The following FHIT variants were observed in gnomAD, a reference collection of about 807,000 sequenced individuals.
FHIT encodes fragile histidine triad diadenosine triphosphatase.
A neutral mutation model predicts 17.9 loss-of-function variants in FHIT; 19 were observed. The observed-to-expected ratio is 1.06, with a 90% confidence interval of 0.74 to 1.56. The LOEUF (loss-of-function observed/expected upper bound fraction) is 1.56. Among genes scored for constraint, FHIT ranks in the 40% most tolerant of loss-of-function variants. The probability of loss-of-function intolerance (pLI) is 0.00; values close to 1 mark genes in which losing one functional copy is unlikely to be tolerated. For synonymous variants in FHIT, 81 were observed against 69.7 expected (o/e 1.16, Z -0.81); for missense variants, 248 against 189.2 (o/e 1.31, Z -1.82).
chr3:59,825,520 A>G (rs1487132762), intron 8 of FHIT, among the ~76,000 whole-genome samples: 2 of 152,240 alleles, frequency 1.3e-5, no homozygotes, highest in Non-Finnish European at 2.9e-5. Flanking sequence ...AGCTGAGAAC[A>G]TTAGCCACAT....
intron 5 of FHIT, among the ~76,000 whole-genome samples, chr3:60,257,589 G>A (rs1467227882): frequency 6.6e-6 from 1 of 152,118 alleles, no homozygotes; most frequent in Admixed American, 6.6e-5. Flanking sequence ...CATGGCATAG[G>A]GATTAACATT....
intron 5 of FHIT, among the ~76,000 whole-genome samples, chr3:60,079,470 T>C (rs1703180668): frequency 6.6e-6 from 1 of 152,004 alleles, no homozygotes; most frequent in Non-Finnish European, 1.5e-5. Flanking sequence ...AGTTTTTCCT[T>C]AAGCAGCCTC....
chr3:60,009,184 T>C (rs113599353), intron 7 of FHIT, among the ~76,000 whole-genome samples: 7 of 116,844 alleles, frequency 6.0e-5, no homozygotes, highest in African/African-American at 2.3e-4. Context: ...TGTGTGTGTG[T>C]GTGTGTGTGT....
intron 7 of FHIT, among the ~76,000 whole-genome samples, chr3:59,932,669 C>CT (rs3836263): frequency 0.033 from 4,936 of 151,402 alleles, 111 homozygotes; most frequent in East Asian, 0.087. Context: ...GAACTCCTCC[C>CT]TTTTTTTTTA....
intron 1 of FHIT, among the ~76,000 whole-genome samples, chr3:61,246,813 TTA>T (rs2040497415): frequency 6.6e-6 from 1 of 151,958 alleles, no homozygotes. Context: ...TGTATACCTA[TTA>T]ACAAACCTGT....
chr3:60,587,777 G>T (rs1335344362), intron 4 of FHIT, among the ~76,000 whole-genome samples: 7 of 151,930 alleles, frequency 4.6e-5, no homozygotes, highest in African/African-American at 1.7e-4. Flanking sequence ...TAGGCTGTAT[G>T]CCTATATTTT....
At chr3:59,950,592 A>G (rs1437857138) in intron 7 of FHIT, among the ~76,000 whole-genome samples, 1 of 150,446 alleles carries the variant, frequency 6.6e-6, no homozygotes, top group African/African-American at 2.5e-5. Flanking sequence ...TGCTTTTCCT[A>G]CTATTCTCTC....
chr3:60,992,688 G>A (rs1048863121), intron 3 of FHIT, among the ~76,000 whole-genome samples: 17 of 152,192 alleles, frequency 1.1e-4, no homozygotes, highest in African/African-American at 4.1e-4. Flanking sequence ...TCTGGTGATT[G>A]CCAGTGCCTG....
chr3:59,851,055 G>A (rs923862820), intron 8 of FHIT, among the ~76,000 whole-genome samples: 2 of 152,142 alleles, frequency 1.3e-5, no homozygotes, highest in Non-Finnish European at 2.9e-5. Flanking sequence ...TTTGGATTTG[G>A]ACACTGATGA....
intron 5 of FHIT, among the ~76,000 whole-genome samples, chr3:60,100,402 T>A (rs1472948268): frequency 6.6e-6 from 1 of 152,110 alleles, no homozygotes. Context: ...AAATTGTGAT[T>A]TTTTGAAACC....
Position 60,390,442 on chromosome 3 carries a change from G to C in FHIT, c.103+146418C>G, listed in dbSNP as rs148872440. 3.4e-3 allele frequency among the ~76,000 whole-genome samples: 450 copies of C among 133,598 alleles called. 3 individuals carry two copies. The highest frequency in any genetic ancestry group is 5.2e-3 in the Non-Finnish European group (342 of 65,486). The allele number at this position is 133,598 out of a possible 152,430, so 87.6% of individuals were successfully genotyped here. ...AAAAAAAAAAAACCCGTACCCTCTA[G>C]TATTTATTACAAGGTACTTTTAACG... On this transcript the variant is annotated intron_variant, in intron 5 of 9. Transcript: ENST00000492590.
At chr3:60,364,693 G>C (rs1212020880) in intron 5 of FHIT, among the ~76,000 whole-genome samples, 1 of 152,182 alleles carries the variant, frequency 6.6e-6, no homozygotes, top group Non-Finnish European at 1.5e-5. Flanking sequence ...CATTATTTCT[G>C]TGTGTATCAG....
chr3:60,864,021 T>A (rs1559784789), intron 3 of FHIT, among the ~76,000 whole-genome samples: 1 of 152,124 alleles, frequency 6.6e-6, no homozygotes, highest in African/African-American at 2.4e-5. Context: ...GACCTCATAA[T>A]CATGGCAGAA....
At chr3:60,952,847 C>T (rs79207338) in intron 3 of FHIT, among the ~76,000 whole-genome samples, 16,190 of 152,144 alleles carry the variant, frequency 0.11, 963 homozygotes, top group Middle Eastern at 0.21. Context: ...GTTACTTTTC[C>T]ACAACTGCCT....
rs184987183 is a variant in FHIT, at chr3:60,524,495, G to A, written c.103+12365C>T. On this transcript the variant is annotated intron_variant, in intron 5 of 9. Transcript: ENST00000492590. ...CTTAGAATGTTAAACAAACAACAAGGAATCTAGTGTGGTTGGATCTGAGCG... is the reference window on the plus strand; with the variant it reads ...CTTAGAATGTTAAACAAACAACAAGAAATCTAGTGTGGTTGGATCTGAGCG... Among the ~76,000 whole-genome samples the A allele has an allele frequency of 1.5e-3, 228 of 152,246 alleles. 1 individual carries two copies. The highest frequency in any genetic ancestry group is 2.6e-3 in the Non-Finnish European group (174 of 68,016).
chr3:59,757,918 G>A (rs765920390), intron 8 of FHIT, among the ~76,000 whole-genome samples: 3 of 151,988 alleles, frequency 2.0e-5, no homozygotes, highest in African/African-American at 4.8e-5. Flanking sequence ...ATATATTCCA[G>A]GCTCTGTTCT....
At chr3:61,166,753 C>T (rs549938912) in intron 2 of FHIT, among the ~76,000 whole-genome samples, 2 of 152,316 alleles carry the variant, frequency 1.3e-5, no homozygotes, top group East Asian at 1.9e-4. Context: ...TTCATTCTAG[C>T]ACTGAGTGTT....
chr3:61,152,304 G>A (rs2037417207), intron 2 of FHIT, among the ~76,000 whole-genome samples: 3 of 152,130 alleles, frequency 2.0e-5, no homozygotes, highest in African/African-American at 7.2e-5. Flanking sequence ...CTAGAGAACT[G>A]GTTGCCAAAA....
intron 3 of FHIT, among the ~76,000 whole-genome samples, chr3:61,003,106 G>A (rs966538714): frequency 2.0e-5 from 3 of 152,136 alleles, no homozygotes; most frequent in Non-Finnish European, 4.4e-5. Flanking sequence ...TAAAACTAAA[G>A]CACAGGAGAA....
Sources: allele counts gnomAD v4.1 joint callset (sites outside exome capture counted in the v4.1 genomes callset), GRCh38; gene constraint gnomAD v4.1.1; transcripts MANE v1.5; gene names NCBI Gene and HGNC (gene_info 2026-07-23, HGNC 2026-07-21).